The following ABCA13 variants were observed in gnomAD, a reference collection of about 807,000 sequenced individuals.
ABCA13 encodes the protein ATP-binding cassette sub-family A member 13.
In ABCA13, 476 loss-of-function variants were observed where a neutral mutation model predicts 478.7. The observed-to-expected ratio is 0.99, with a 90% CI of 0.92 to 1.07. ABCA13 has a LOEUF of 1.07. Ranked by LOEUF, ABCA13 falls within the 50% of genes least tolerant of loss-of-function variation. ABCA13 has a pLI of 0.00. For missense variants in ABCA13, 6,060 were observed against 5,910.6 expected, an observed-to-expected ratio of 1.03 and a Z score of -0.83; for synonymous variants, 2,252 against 2,158.9, an observed-to-expected ratio of 1.04 and a Z score of -1.20.
At position 48,397,043 on chromosome 7, in the gene ABCA13, A is replaced by T. The variant is rs568035916; in HGVS notation, c.11873+4904A>T. The stretch of plus-strand genomic sequence containing the variant: ...AGTGTCTGTTTTTGTGTCCTTTTAT[A>T]TTTGAATTATTTTAAATTTGCTTAC... On this transcript the variant is annotated intron_variant, in intron 38 of 61. Coordinates refer to ENST00000435803, the MANE Select transcript of ABCA13 (RefSeq NM_152701.5). Among the ~76,000 whole-genome samples, 21 of 152,242 alleles carry T rather than the reference A, an allele frequency of 1.4e-4. No homozygotes were observed. In the East Asian group the frequency reaches 2.9e-3, roughly 21 times the overall value.
At chr7:48,310,287 C>G in intron 24 of ABCA13, 146 bp downstream of exon 24, 1 of 885,118 alleles carries the variant, frequency 1.1e-6, no homozygotes, top group Non-Finnish European at 1.7e-6. Context: ...CTGGTGTCAC[C>G]TGTTTGCTGA....
chr7:48,508,809 C>G (rs1444577893), intron 50 of ABCA13, among the ~76,000 whole-genome samples: 11 of 152,196 alleles, frequency 7.2e-5, no homozygotes, highest in African/African-American at 2.7e-4. Context: ...CTGAGCTGTG[C>G]TACACCAGGC....
At chr7:48,184,087 T>A (rs1214877000) in intron 1 of ABCA13, among the ~76,000 whole-genome samples, 1 of 152,230 alleles carries the variant, frequency 6.6e-6, no homozygotes, top group Non-Finnish European at 1.5e-5. Flanking sequence ...TTCCTGTTTA[T>A]GCATATGGTC....
intron 7 of ABCA13, among the ~76,000 whole-genome samples, chr7:48,230,791 C>G (rs540307266): frequency 6.6e-6 from 1 of 152,168 alleles, no homozygotes; most frequent in Non-Finnish European, 1.5e-5. Context: ...ATCCATTCAT[C>G]TGTCCATCCA....
intron 23 of ABCA13, among the ~76,000 whole-genome samples, chr7:48,308,901 C>G (rs115072958): frequency 4.4e-4 from 65 of 148,900 alleles, no homozygotes; most frequent in African/African-American, 1.6e-3. Context: ...AGACCATACC[C>G]TATAGCCAAG....
chr7:48,243,499 T>G (rs1791187393), intron 10 of ABCA13, among the ~76,000 whole-genome samples: 1 of 152,198 alleles, frequency 6.6e-6, no homozygotes, highest in South Asian at 2.1e-4. Context: ...CCCAAGCATG[T>G]GGCTCTGATG....
intron 6 of ABCA13, 137 bp from the exon 7 acceptor site, chr7:48,229,688 T>C: frequency 2.1e-6 from 2 of 959,052 alleles, no homozygotes; most frequent in East Asian, 2.4e-5. Context: ...CAAAGAATGC[T>C]GACATGTAAA....
At chr7:48,476,883 G>A (rs897043036) in intron 45 of ABCA13, among the ~76,000 whole-genome samples, 7 of 152,140 alleles carry the variant, frequency 4.6e-5, no homozygotes, top group Non-Finnish European at 8.8e-5. Context: ...GAGGCTATAA[G>A]TTTATCTCAG....
intron 41 of ABCA13, among the ~76,000 whole-genome samples, chr7:48,419,800 TCA>T (rs1401909840): frequency 2.0e-5 from 3 of 152,154 alleles, no homozygotes; most frequent in Non-Finnish European, 4.4e-5. Flanking sequence ...TCCACATCTC[TCA>T]CACACACGGA....
intron 29 of ABCA13, 58 bp from the exon 30 acceptor site, chr7:48,350,583 AGT>A (rs1808807568): frequency 6.9e-7 from 1 of 1,442,004 alleles, no homozygotes; most frequent in African/African-American, 1.4e-5. Flanking sequence ...CCACTATATG[AGT>A]GGTAAGCACT....
intron 59 of ABCA13, among the ~76,000 whole-genome samples, chr7:48,637,269 A>G (rs1794715473): frequency 6.6e-6 from 1 of 151,242 alleles, no homozygotes; most frequent in Non-Finnish European, 1.5e-5. Context: ...TTTCCTCCTC[A>G]GGTCTCACGC....
chr7:48,603,651 TC>T, intron 58 of ABCA13: 1 of 177,654 alleles, frequency 5.6e-6, no homozygotes, highest in South Asian at 1.1e-4. Context: ...TTGAGGATTT[TC>T]GCATCAATGT....
At position 48,375,574 on chromosome 7, in the gene ABCA13, A is replaced by G. The variant is rs1196021667; in HGVS notation, c.11204-867A>G. Among the ~76,000 whole-genome samples the G allele has an allele frequency of 2.0e-5, 3 of 152,228 alleles. No individual in the cohort carries two copies. The East Asian group carries it at 5.8e-4, about 29-fold the overall frequency. On this transcript the variant is annotated intron_variant, in intron 34 of 61. Coordinates refer to ENST00000435803, the MANE Select transcript of ABCA13 (RefSeq NM_152701.5). ...AATTTGACAACTAAAATTCTAAACC[A>G]GAACAGACATATATTTCATAGATAT...
chr7:48,466,389 A>G (rs766291335), intron 43 of ABCA13, among the ~76,000 whole-genome samples: 17 of 152,182 alleles, frequency 1.1e-4, no homozygotes, highest in Non-Finnish European at 1.5e-4. Flanking sequence ...GTGCCAGTAA[A>G]ATTTAATGTG....
chr7:48,306,758 C>T (rs1361670297), intron 23 of ABCA13, among the ~76,000 whole-genome samples: 1 of 152,146 alleles, frequency 6.6e-6, no homozygotes, highest in Non-Finnish European at 1.5e-5. Context: ...AGTATCATAG[C>T]CATTGGTGAT....
At chr7:48,310,990 T>TA (rs1273468848) in intron 24 of ABCA13, among the ~76,000 whole-genome samples, 1 of 152,078 alleles carries the variant, frequency 6.6e-6, no homozygotes, top group African/African-American at 2.4e-5. Context: ...TTTGAATCTT[T>TA]ACTTAAGTTT....
chr7:48,388,486 G>A (rs190667635), intron 36 of ABCA13, among the ~76,000 whole-genome samples: 2 of 152,276 alleles, frequency 1.3e-5, no homozygotes, highest in East Asian at 3.9e-4. Flanking sequence ...GCCTGTTCCT[G>A]CAGGTGCAGG....
At chr7:48,297,181 T>C in intron 21 of ABCA13, 51 bp from the exon 22 acceptor site, 1 of 1,432,274 alleles carries the variant, frequency 7.0e-7, no homozygotes, top group Non-Finnish European at 9.6e-7. Flanking sequence ...TCCAACACTG[T>C]TTCTGATGTT....
intron 42 of ABCA13, among the ~76,000 whole-genome samples, chr7:48,442,056 G>C (rs1439533966): frequency 5.9e-5 from 9 of 152,314 alleles, no homozygotes. Flanking sequence ...TGTGAGTGCT[G>C]TACCATGGCC....
Sources: gnomAD v4.1 joint callset for allele counts (sites outside exome capture counted in the v4.1 genomes callset) on GRCh38, gnomAD v4.1.1 for gene constraint, MANE v1.5 for transcripts, NCBI Gene and HGNC (gene_info 2026-07-23, HGNC 2026-07-21) for gene names.